Variants in CACNA2D1 observed in about 807,000 individuals in gnomAD.
The protein encoded by CACNA2D1 is voltage-dependent calcium channel subunit alpha-2/delta-1.
Under a neutral mutation model 171.5 loss-of-function variants are expected in CACNA2D1, and 53 were observed. The ratio of observed to expected loss-of-function variants is 0.31; its 90% confidence interval spans 0.25 to 0.39. The LOEUF (loss-of-function observed/expected upper bound fraction) is 0.39, where lower values mean the gene tolerates loss of function less well. Among genes scored for constraint, CACNA2D1 ranks in the 10% least tolerant of loss-of-function variants. CACNA2D1 has a pLI of 1.00. For missense variants in CACNA2D1, 903 were observed against 1,299.8 expected (o/e 0.69, Z 4.69); for synonymous variants, 442 against 443.1 (o/e 1.00, Z 0.03).
chr7:82,116,765 G>A (rs533707262), intron 6 of CACNA2D1, among the ~76,000 whole-genome samples: 1 of 152,156 alleles, frequency 6.6e-6, no homozygotes, highest in South Asian at 2.1e-4. Flanking sequence ...GTTATGGGTG[G>A]CAACTGGGAA....
At chr7:82,297,519 G>T (rs1247611000) in intron 3 of CACNA2D1, among the ~76,000 whole-genome samples, 1 of 152,108 alleles carries the variant, frequency 6.6e-6, no homozygotes, top group Non-Finnish European at 1.5e-5. Context: ...TTGTAGACTA[G>T]CAGAGTCAAC....
At chr7:82,213,964 G>C (rs1251290066) in intron 3 of CACNA2D1, among the ~76,000 whole-genome samples, 2 of 152,164 alleles carry the variant, frequency 1.3e-5, no homozygotes, top group African/African-American at 4.8e-5. Context: ...AATGCACCAG[G>C]AGATTCAGTG....
At chr7:81,952,509 A>C (rs1792722257) in intron 38 of CACNA2D1, among the ~76,000 whole-genome samples, 1 of 152,144 alleles carries the variant, frequency 6.6e-6, no homozygotes, top group Non-Finnish European at 1.5e-5. Flanking sequence ...TAAAATAATC[A>C]ATTCTTAGTC....
intron 1 of CACNA2D1, among the ~76,000 whole-genome samples, chr7:82,418,144 G>T (rs1237797161): frequency 6.6e-6 from 1 of 152,158 alleles, no homozygotes; most frequent in Non-Finnish European, 1.5e-5. Flanking sequence ...TTCTTCACAT[G>T]GCAGCAGGAG....
chr7:82,060,165 A>ATATT (rs377355935), intron 10 of CACNA2D1, among the ~76,000 whole-genome samples: 2 of 22,198 alleles, frequency 9.0e-5, no homozygotes, highest in Non-Finnish European at 1.3e-4. Context: ...ATATATATAT[A>ATATT]ATATATATAT....
intron 5 of CACNA2D1, among the ~76,000 whole-genome samples, chr7:82,133,661 A>T (rs1791269235): frequency 6.6e-6 from 1 of 152,242 alleles, no homozygotes; most frequent in African/African-American, 2.4e-5. Flanking sequence ...AAGGAAAATT[A>T]AACTCCAAGG....
intron 6 of CACNA2D1, among the ~76,000 whole-genome samples, chr7:82,088,501 A>G (rs973460675): frequency 3.9e-5 from 6 of 152,206 alleles, no homozygotes; most frequent in Non-Finnish European, 7.4e-5. Flanking sequence ...TTGTCATTGT[A>G]TATCACAAAG....
chr7:82,045,495 C>A (rs1804451340), intron 10 of CACNA2D1, among the ~76,000 whole-genome samples: 1 of 152,030 alleles, frequency 6.6e-6, no homozygotes, highest in Admixed American at 6.6e-5. Context: ...GGTATATAGT[C>A]ATGGTGGAAT....
intron 3 of CACNA2D1, among the ~76,000 whole-genome samples, chr7:82,252,744 G>C (rs1201164125): frequency 6.6e-6 from 1 of 152,084 alleles, no homozygotes; most frequent in African/African-American, 2.4e-5. Flanking sequence ...ACAAAAATTA[G>C]CTGGGCGTGG....
At chr7:82,009,139 G>A (rs753450762) in intron 15 of CACNA2D1, 5 of 152,022 alleles carry the variant, frequency 3.3e-5, no homozygotes. Context: ...TTCTCACGAG[G>A]TCTGATGGTT....
intron 3 of CACNA2D1, among the ~76,000 whole-genome samples, chr7:82,287,638 C>T (rs1402129790): frequency 1.3e-5 from 2 of 152,148 alleles, no homozygotes; most frequent in African/African-American, 4.8e-5. Context: ...TTTCTACTTT[C>T]AGATCTGGGA....
Position 81,974,806 on chromosome 7 carries a change from A to G in CACNA2D1, c.1956-254T>C, listed in dbSNP as rs959462863. Among the ~76,000 whole-genome samples the G allele has an allele frequency of 2.0e-5, 3 of 151,526 alleles. No individual in the cohort carries two copies. The Admixed American group carries it at 2.0e-4, about 10-fold the overall frequency. On this transcript the variant is annotated intron_variant, in intron 24 of 38. Transcript: ENST00000356860. Reference sequence around the variant, plus strand: ...CAATAAGTTTTGGTGTAGTTATACTATTATCATTGTATATCTTAGATTTAG... The same window carrying G: ...CAATAAGTTTTGGTGTAGTTATACTGTTATCATTGTATATCTTAGATTTAG...
intron 7 of CACNA2D1, 134 bp downstream of exon 7, chr7:82,084,635 A>G: frequency 9.7e-7 from 1 of 1,033,766 alleles, no homozygotes; most frequent in Non-Finnish European, 1.5e-6. Flanking sequence ...AGCCATGTAA[A>G]GAGGAATGTT....
chr7:82,042,327 T>C (rs1804066659), intron 10 of CACNA2D1, among the ~76,000 whole-genome samples: 1 of 152,186 alleles, frequency 6.6e-6, no homozygotes, highest in African/African-American at 2.4e-5. Flanking sequence ...CGTGCCTACA[T>C]ACTAATTTAA....
At chr7:82,335,284 A>T in intron 2 of CACNA2D1, 33 bp from the exon 3 acceptor site, 1 of 1,223,800 alleles carries the variant, frequency 8.2e-7, no homozygotes, top group Non-Finnish European at 1.2e-6. Flanking sequence ...TAGTAAGAAC[A>T]ATAGTTACTT....
At chr7:82,401,006 A>G (rs1482091784) in intron 1 of CACNA2D1, among the ~76,000 whole-genome samples, 2 of 152,214 alleles carry the variant, frequency 1.3e-5, no homozygotes, top group Non-Finnish European at 2.9e-5. Flanking sequence ...CCACAATGAG[A>G]TACCATCTCA....
At chr7:82,408,022 CTTT>C (rs552179208) in intron 1 of CACNA2D1, among the ~76,000 whole-genome samples, 4 of 136,604 alleles carry the variant, frequency 2.9e-5, no homozygotes, top group Admixed American at 7.5e-5. Flanking sequence ...CTTGTACTTT[CTTT>C]TTTTTTTTTT....
intron 5 of CACNA2D1, among the ~76,000 whole-genome samples, chr7:82,119,874 A>G (rs1789509359): frequency 6.6e-6 from 1 of 152,186 alleles, no homozygotes; most frequent in African/African-American, 2.4e-5. Context: ...CTATCTCACT[A>G]GTAAAGGAGT....
chr7:81,982,657 GGTAATTCAGA>G, intron 23 of CACNA2D1, 30 bp from the exon 24 acceptor site: 1 of 1,352,368 alleles, frequency 7.4e-7, no homozygotes, highest in Non-Finnish European at 1.1e-6. Flanking sequence ...GGATTAGATA[GGTAATTCAGA>G]GTATATATCC....
Sources: allele counts gnomAD v4.1 joint callset (sites outside exome capture counted in the v4.1 genomes callset), GRCh38; gene constraint gnomAD v4.1.1; transcripts MANE v1.5; gene names NCBI Gene and HGNC (gene_info 2026-07-23, HGNC 2026-07-21).